Variants in NCAM2 observed in about 807,000 individuals in gnomAD.
The protein encoded by NCAM2 is N-CAM-2.
NCAM2 carries 30 observed loss-of-function variants against 98.1 expected under a neutral mutation model. The observed-to-expected ratio is 0.31, with a 90% confidence interval of 0.23 to 0.41. NCAM2 has a LOEUF of 0.41. Ranked by LOEUF, NCAM2 falls within the 10% of genes least tolerant of loss-of-function variation. The pLI is 1.00. For synonymous variants in NCAM2, 368 were observed against 342.4 expected (o/e 1.07, Z -0.83); for missense variants, 867 against 1,005.8 (o/e 0.86, Z 1.87).
intron 1 of NCAM2, among the ~76,000 whole-genome samples, chr21:21,000,865 A>G (rs2064008353): frequency 6.6e-6 from 1 of 152,204 alleles, no homozygotes; most frequent in Non-Finnish European, 1.5e-5. Context: ...TGCAGCAGCA[A>G]GTATCAGACA....
At chr21:21,118,531 C>G (rs1405123796) in intron 1 of NCAM2, among the ~76,000 whole-genome samples, 1 of 152,116 alleles carries the variant, frequency 6.6e-6, no homozygotes, top group African/African-American at 2.4e-5. Context: ...GAAGAATGCT[C>G]TAAATTCATC....
At chr21:21,217,683 A>C (rs1664640314) in intron 1 of NCAM2, among the ~76,000 whole-genome samples, 1 of 152,144 alleles carries the variant, frequency 6.6e-6, no homozygotes, top group Non-Finnish European at 1.5e-5. Flanking sequence ...TGGATTATCC[A>C]GGTGGATCCA....
intron 1 of NCAM2, among the ~76,000 whole-genome samples, chr21:21,110,648 G>C (rs908481531): frequency 1.3e-5 from 2 of 150,676 alleles, no homozygotes; most frequent in African/African-American, 4.9e-5. Flanking sequence ...TGCCTTGTAT[G>C]AGTTATTTTT....
chr21:21,252,364 A>G (rs966791201), intron 1 of NCAM2, among the ~76,000 whole-genome samples: 2 of 150,332 alleles, frequency 1.3e-5, no homozygotes, highest in Admixed American at 6.7e-5. Context: ...TCTTTATTAT[A>G]TAAAATTATA....
chr21:21,507,833 C>T (rs1419468362), intron 15 of NCAM2, among the ~76,000 whole-genome samples: 3 of 148,638 alleles, frequency 2.0e-5, no homozygotes, highest in Admixed American at 6.7e-5. Flanking sequence ...CAAGCTAATT[C>T]TTAACATGTG....
chr21:21,135,267 T>A (rs1430175200), intron 1 of NCAM2, among the ~76,000 whole-genome samples: 4 of 128,430 alleles, frequency 3.1e-5, no homozygotes, highest in African/African-American at 1.1e-4. Flanking sequence ...AAAAAAAACT[T>A]CTGAACTCAA....
At chr21:21,032,574 A>C (rs146853486) in intron 1 of NCAM2, among the ~76,000 whole-genome samples, 19 of 152,338 alleles carry the variant, frequency 1.2e-4, no homozygotes, top group African/African-American at 4.1e-4. Flanking sequence ...GACTAAGCAA[A>C]TCAAAATAAA....
At chr21:21,023,538 G>C (rs1254667822) in intron 1 of NCAM2, among the ~76,000 whole-genome samples, 1 of 150,954 alleles carries the variant, frequency 6.6e-6, no homozygotes, top group Non-Finnish European at 1.5e-5. Flanking sequence ...AAAAAAAGAA[G>C]AAGAAGGAAT....
intron 1 of NCAM2, among the ~76,000 whole-genome samples, chr21:21,136,797 G>A (rs1042708116): frequency 2.0e-5 from 3 of 151,732 alleles, no homozygotes; most frequent in Non-Finnish European, 4.4e-5. Flanking sequence ...TACAAAAGAC[G>A]ACATGCAATG....
In NCAM2 at chr21:21,466,563, G is replaced by T. The variant is rs181105287; in HGVS notation, c.1655-43G>T. The T allele has an allele frequency of 3.8e-6, 5 of 1,319,334 alleles. No individual in the cohort carries two copies. In the African/African-American group the frequency reaches 7.5e-5, roughly 20 times the overall value. The allele number at this position is 1,319,334 out of a possible 1,614,324, so 81.7% of individuals were successfully genotyped here. ...AAAATGTGTCCAATTAGATATATAT[G>T]TATATATATGTTTTATTTTGTTTTG... On this transcript the variant is annotated intron_variant, in intron 12 of 17. Transcript: ENST00000400546.
intron 1 of NCAM2, among the ~76,000 whole-genome samples, chr21:21,209,396 A>AT (rs1390701587): frequency 2.6e-5 from 4 of 151,854 alleles, no homozygotes; most frequent in Non-Finnish European, 4.4e-5. Flanking sequence ...ATTTATTTTT[A>AT]TTTTTTTCGG....
intron 1 of NCAM2, among the ~76,000 whole-genome samples, chr21:21,262,006 CAG>C (rs1486872526): frequency 1.3e-5 from 2 of 152,018 alleles, no homozygotes; most frequent in African/African-American, 2.4e-5. Context: ...TAAGAACAAT[CAG>C]AAATGAAATA....
intron 9 of NCAM2, among the ~76,000 whole-genome samples, chr21:21,391,038 C>A (rs933471635): frequency 6.6e-6 from 1 of 151,856 alleles, no homozygotes; most frequent in Non-Finnish European, 1.5e-5. Context: ...GTTTAAAAAC[C>A]TTTGATTTTA....
At chr21:21,331,189 G>A (rs2074667945) in intron 6 of NCAM2, among the ~76,000 whole-genome samples, 2 of 151,786 alleles carry the variant, frequency 1.3e-5, no homozygotes, top group Middle Eastern at 3.4e-3. Context: ...TCTGCCACCT[G>A]GGCAGGAGTG....
chr21:21,232,159 A>C (rs2070654679), intron 1 of NCAM2, among the ~76,000 whole-genome samples: 1 of 151,470 alleles, frequency 6.6e-6, no homozygotes, highest in Non-Finnish European at 1.5e-5. Flanking sequence ...CTGATGGTTG[A>C]GGGCTGTAGA....
intron 1 of NCAM2, among the ~76,000 whole-genome samples, chr21:21,257,402 A>C (rs2071714852): frequency 1.3e-5 from 2 of 152,168 alleles, no homozygotes; most frequent in Admixed American, 1.3e-4. Context: ...TTGATGGCAG[A>C]TAAAATGTCC....
At chr21:21,517,179 G>T (rs951524402) in intron 16 of NCAM2, among the ~76,000 whole-genome samples, 3 of 152,076 alleles carry the variant, frequency 2.0e-5, no homozygotes, top group Non-Finnish European at 4.4e-5. Context: ...CACTTCAAAT[G>T]CTTCTAGCTC....
intron 1 of NCAM2, among the ~76,000 whole-genome samples, chr21:21,264,996 G>GTA (rs368208335): frequency 0.63 from 17,626 of 27,806 alleles, 5,520 homozygotes; most frequent in East Asian, 0.85. Context: ...ATGTGTATGT[G>GTA]TATATATACA....
chr21:21,489,523 T>A (rs1279159730), intron 15 of NCAM2, among the ~76,000 whole-genome samples: 1 of 152,154 alleles, frequency 6.6e-6, no homozygotes, highest in African/African-American at 2.4e-5. Flanking sequence ...TCCTCTATTA[T>A]GTTTCTGTTC....
Sources: allele counts gnomAD v4.1 joint callset (sites outside exome capture counted in the v4.1 genomes callset), GRCh38; gene constraint gnomAD v4.1.1; transcripts MANE v1.5; gene names NCBI Gene and HGNC (gene_info 2026-07-23, HGNC 2026-07-21).